RYR3: variants seen among roughly 807,000 people sequenced by gnomAD.
RYR3 encodes brain ryanodine receptor-calcium release channel.
In RYR3, 207 loss-of-function variants were observed where a neutral mutation model predicts 584.3. That is an observed-to-expected ratio of 0.35 (90% CI 0.32 to 0.40). The LOEUF is 0.40. Among genes scored for constraint, RYR3 ranks in the 10% least tolerant of loss-of-function variants. The pLI is 1.00. For synonymous variants in RYR3, 2,416 were observed against 2,248.5 expected (o/e 1.07, Z -2.11); for missense variants, 5,616 against 6,089.2 (o/e 0.92, Z 2.59).
intron 81 of RYR3, among the ~76,000 whole-genome samples, chr15:33,824,218 A>G (rs2077259491): frequency 6.6e-6 from 1 of 152,206 alleles, no homozygotes; most frequent in Non-Finnish European, 1.5e-5. Context: ...AATACTTAAT[A>G]TTGCTAAACT....
chr15:33,327,493 T>A (rs1347703955), intron 1 of RYR3, among the ~76,000 whole-genome samples: 1 of 152,188 alleles, frequency 6.6e-6, no homozygotes, highest in Non-Finnish European at 1.5e-5. Flanking sequence ...GAAGAAAAAT[T>A]GGAGAATTCA....
intron 1 of RYR3, among the ~76,000 whole-genome samples, chr15:33,431,269 G>T (rs528528082): frequency 6.6e-6 from 1 of 152,314 alleles, no homozygotes; most frequent in South Asian, 2.1e-4. Context: ...CAGCTAAACA[G>T]AATGAGTTAG....
intron 48 of RYR3, among the ~76,000 whole-genome samples, chr15:33,735,204 A>G (rs895316078): frequency 1.2e-4 from 18 of 152,200 alleles, no homozygotes; most frequent in African/African-American, 4.3e-4. Flanking sequence ...ATCTTAGGTG[A>G]CAATTGCTAA....
chr15:33,767,899 C>T (rs536816087), intron 60 of RYR3, among the ~76,000 whole-genome samples: 5 of 152,224 alleles, frequency 3.3e-5, no homozygotes, highest in African/African-American at 7.2e-5. Context: ...TCAGAAACAG[C>T]GATGGACTCC....
chr15:33,617,228 C>T (rs111782851), intron 19 of RYR3, among the ~76,000 whole-genome samples: 26,586 of 125,352 alleles, frequency 0.21, 2,526 homozygotes, highest in South Asian at 0.31. Flanking sequence ...TCCTGGCTAA[C>T]ACAATGAAAC....
intron 31 of RYR3, among the ~76,000 whole-genome samples, chr15:33,652,022 AT>A (rs2062506346): frequency 6.6e-6 from 1 of 152,160 alleles, no homozygotes; most frequent in Non-Finnish European, 1.5e-5. Flanking sequence ...CTTTTTCATT[AT>A]TATAGTTTGC....
At chr15:33,533,890 T>C (rs1595480332) in intron 5 of RYR3, among the ~76,000 whole-genome samples, 1 of 101,140 alleles carries the variant, frequency 9.9e-6, no homozygotes, top group Non-Finnish European at 2.3e-5. Context: ...TCATTTACTT[T>C]ATGATTTTAT....
chr15:33,607,187 C>A (rs1035297031), intron 18 of RYR3, among the ~76,000 whole-genome samples: 1 of 152,204 alleles, frequency 6.6e-6, no homozygotes, highest in Non-Finnish European at 1.5e-5. Context: ...TAATGCCAAA[C>A]TCTGCAGTGC....
intron 1 of RYR3, among the ~76,000 whole-genome samples, chr15:33,420,105 A>G (rs1459989271): frequency 2.0e-5 from 3 of 152,196 alleles, no homozygotes; most frequent in Non-Finnish European, 4.4e-5. Flanking sequence ...TTATCAGACA[A>G]TAGGTGACTT....
intron 1 of RYR3, among the ~76,000 whole-genome samples, chr15:33,422,938 T>A (rs28538078): frequency 0.021 from 3,258 of 152,346 alleles, 57 homozygotes; most frequent in Non-Finnish European, 0.028. Context: ...TTGTAGTAGT[T>A]GAGAAAACTT....
At position 33,722,801 on chromosome 15, in the gene RYR3, G is replaced by T; in HGVS notation, c.6706G>T (p.Gly2236Trp). Residue 2236 changes from glycine to tryptophan, a missense_variant, in exon 44 of 104, where the codon GGG becomes TGG. Physicochemically the swap from Gly to Trp is radical, Grantham distance 184 (BLOSUM62 -2). Coordinates refer to ENST00000634891, the MANE Select transcript of RYR3 (RefSeq NM_001036.6). ...CTTCGGCCCGGCCCTGCGGGGTGAGGGGGGAAACGGGCTCTTGGCAGCCAT... is the reference window on the plus strand; with the variant it reads ...CTTCGGCCCGGCCCTGCGGGGTGAGTGGGGAAACGGGCTCTTGGCAGCCAT... The part of the protein sequence containing the change: ...ECFGPALRGE[G>W]GNGLLAAMQG... 1.2e-6 allele frequency: 2 copies of T among 1,613,350 alleles called. No individual in the cohort carries two copies. Among genetic ancestry groups the T allele is most frequent in the Non-Finnish European group, 1.7e-6 (2 of 1,179,660 alleles).
intron 12 of RYR3, among the ~76,000 whole-genome samples, chr15:33,573,437 G>A (rs756487723): frequency 1.3e-5 from 2 of 152,164 alleles, no homozygotes; most frequent in Non-Finnish European, 2.9e-5. Flanking sequence ...AAAGAAAAAT[G>A]AAGACGAAGA....
At chr15:33,384,721 AT>A (rs1268693861) in intron 1 of RYR3, among the ~76,000 whole-genome samples, 16 of 151,702 alleles carry the variant, frequency 1.1e-4, no homozygotes, top group Admixed American at 3.9e-4. Context: ...TCTCTTAGCA[AT>A]TTTCAATAAT....
intron 1 of RYR3, among the ~76,000 whole-genome samples, chr15:33,355,334 A>G (rs1973825026): frequency 6.6e-6 from 1 of 152,212 alleles, no homozygotes; most frequent in South Asian, 2.1e-4. Flanking sequence ...ATATTATTTA[A>G]TGGCCAGGAG....
chr15:33,578,427 A>G (rs2058411648), intron 12 of RYR3, among the ~76,000 whole-genome samples: 1 of 152,222 alleles, frequency 6.6e-6, no homozygotes, highest in African/African-American at 2.4e-5. Context: ...CTATGCACCC[A>G]TAAAAAGGAA....
At chr15:33,598,608 G>A (rs1334679182) in intron 16 of RYR3, among the ~76,000 whole-genome samples, 1 of 150,916 alleles carries the variant, frequency 6.6e-6, no homozygotes, top group Non-Finnish European at 1.5e-5. Context: ...GCTATAGACT[G>A]CTGTCTGCCA....
intron 1 of RYR3, among the ~76,000 whole-genome samples, chr15:33,326,030 C>T (rs957634462): frequency 1.7e-4 from 26 of 152,090 alleles, no homozygotes; most frequent in African/African-American, 4.1e-4. Flanking sequence ...TCTTGAACTC[C>T]TAAGCTCAAG....
intron 3 of RYR3, among the ~76,000 whole-genome samples, chr15:33,505,177 G>A (rs996323689): frequency 1.3e-5 from 2 of 152,146 alleles, no homozygotes; most frequent in Non-Finnish European, 2.9e-5. Context: ...CAAGAGAATC[G>A]ATGTTTACAT....
At chr15:33,378,045 G>C (rs535152456) in intron 1 of RYR3, among the ~76,000 whole-genome samples, 1 of 152,312 alleles carries the variant, frequency 6.6e-6, no homozygotes, top group East Asian at 1.9e-4. Flanking sequence ...GCCTCCCAAA[G>C]TGCTAGGACT....
Sources: allele counts gnomAD v4.1 joint callset (sites outside exome capture counted in the v4.1 genomes callset), GRCh38; gene constraint gnomAD v4.1.1; transcripts MANE v1.5; gene names NCBI Gene and HGNC (gene_info 2026-07-23, HGNC 2026-07-21).